The following PUS10 variants were observed in gnomAD, a reference collection of about 807,000 sequenced individuals.
PUS10 encodes the protein pseudouridine synthase 10.
PUS10 carries 59 observed loss-of-function variants against 75.0 expected under a neutral mutation model. That is an observed-to-expected ratio of 0.79 (90% CI 0.64 to 0.98). The LOEUF (loss-of-function observed/expected upper bound fraction) is 0.98. PUS10 is among the 50% of genes least tolerant of loss of function. The pLI, the probability that PUS10 is intolerant of heterozygous loss-of-function variation, is 0.00. For missense variants in PUS10, 650 were observed against 614.4 expected (o/e 1.06, Z -0.61); for synonymous variants, 219 against 211.6 (o/e 1.03, Z -0.30).
At position 61,011,856 on chromosome 2, in the gene PUS10, G is replaced by T. The variant is rs751736619; in HGVS notation, c.35C>A (p.Ala12Asp). 1.2e-6 allele frequency: 2 copies of T among 1,607,042 alleles called. No homozygotes were observed. Among genetic ancestry groups the T allele is most frequent in the South Asian group, 2.2e-5 (2 of 89,622 alleles). Reference sequence around the variant, plus strand: ...AGTACCAGTATTGAGCAACAACTGGGCCACATGCTTGTTTTCCTCAGTCAG... The same window carrying T: ...AGTACCAGTATTGAGCAACAACTGGTCCACATGCTTGTTTTCCTCAGTCAG... ...FPLTEENKHV[A>D]QLLLNTGTCP... Residue 12 changes from alanine (A) to aspartate (D), a missense_variant, in exon 2 of 18, where the codon GCC becomes GAC. Ala to Asp is a moderately radical substitution (Grantham distance 126). Coordinates refer to ENST00000316752, the MANE Select transcript of PUS10 (RefSeq NM_144709.4).
intron 5 of PUS10, 70 bp from the exon 6 acceptor site, chr2:60,967,683 G>T: frequency 1.9e-6 from 2 of 1,034,142 alleles, no homozygotes; most frequent in African/African-American, 1.6e-5. Context: ...AAGAATTTAT[G>T]CAATTATTTT....
intron 4 of PUS10, among the ~76,000 whole-genome samples, chr2:60,977,519 A>G (rs938122075): frequency 2.0e-5 from 3 of 152,236 alleles, no homozygotes; most frequent in African/African-American, 7.2e-5. Flanking sequence ...TGAATCTTCT[A>G]TAATTCATCA....
rs1675164919 is a variant in PUS10, at chr2:60,948,959, T to C, written c.1309-774A>G. ...CTCTTCATTTTCTTGTCGGAACAAC[T>C]CTTCCTAATTTCCATGGTTCTTGAG... On this transcript the variant is annotated intron_variant, in intron 15 of 17. Transcript: ENST00000316752. Among the ~76,000 whole-genome samples, 3 of 152,190 alleles carry C rather than the reference T, an allele frequency of 2.0e-5. 1 individual carries two copies. The South Asian group carries it at 6.2e-4, about 32-fold the overall frequency.
At chr2:60,964,642 TATATTCTA>T (rs1676228034) in intron 8 of PUS10, among the ~76,000 whole-genome samples, 1 of 152,238 alleles carries the variant, frequency 6.6e-6, no homozygotes, top group African/African-American at 2.4e-5. Flanking sequence ...CTTTGAATTA[TATATTCTA>T]AACATTGATT....
chr2:60,984,726 G>A (rs1268320181), intron 4 of PUS10, among the ~76,000 whole-genome samples: 1 of 152,188 alleles, frequency 6.6e-6, no homozygotes, highest in Admixed American at 6.5e-5. Context: ...GTACGGGAAA[G>A]CTCATATATG....
intron 4 of PUS10, among the ~76,000 whole-genome samples, chr2:60,976,783 G>C (rs1389708532): frequency 6.6e-6 from 1 of 152,134 alleles, no homozygotes; most frequent in Non-Finnish European, 1.5e-5. Context: ...CCCTGGACCT[G>C]CTTCTGGCAA....
At chr2:60,982,253 T>A (rs866074227) in intron 4 of PUS10, among the ~76,000 whole-genome samples, 36 of 151,956 alleles carry the variant, frequency 2.4e-4, no homozygotes, top group African/African-American at 6.5e-4. Flanking sequence ...TATTTATTTA[T>A]TTTATTTATT....
At chr2:61,000,082 A>G (rs1026788399) in intron 4 of PUS10, among the ~76,000 whole-genome samples, 5 of 152,202 alleles carry the variant, frequency 3.3e-5, no homozygotes, top group African/African-American at 1.2e-4. Context: ...TCAAGGGACA[A>G]CTGTATTTTC....
intron 1 of PUS10, among the ~76,000 whole-genome samples, chr2:61,015,894 C>G (rs1379786211): frequency 6.6e-6 from 1 of 152,230 alleles, no homozygotes. Context: ...TCACCTGTTA[C>G]TCTAAGTTAT....
chr2:61,007,121 A>G (rs1679261854), intron 3 of PUS10, among the ~76,000 whole-genome samples: 1 of 152,184 alleles, frequency 6.6e-6, no homozygotes, highest in Admixed American at 6.5e-5. Context: ...TTTTTCTTCA[A>G]TTAAATAGCA....
chr2:61,016,198 A>C (rs900337141), intron 1 of PUS10, among the ~76,000 whole-genome samples: 1 of 152,226 alleles, frequency 6.6e-6, no homozygotes, highest in Admixed American at 6.5e-5. Flanking sequence ...AACCTGATTG[A>C]TGAGAATTAC....
At chr2:60,963,509 C>T (rs1357653036) in intron 8 of PUS10, among the ~76,000 whole-genome samples, 1 of 152,230 alleles carries the variant, frequency 6.6e-6, no homozygotes, top group Non-Finnish European at 1.5e-5. Flanking sequence ...GCACAGTAGA[C>T]ACACTAGAAC....
At chr2:60,972,330 C>T (rs758955311) in intron 4 of PUS10, among the ~76,000 whole-genome samples, 3 of 151,450 alleles carry the variant, frequency 2.0e-5, no homozygotes, top group Non-Finnish European at 4.4e-5. Flanking sequence ...ATTAGCCGGG[C>T]GTGGAGGCGG....
chr2:61,017,946 T>C, intron 1 of PUS10, 62 bp downstream of exon 1: 3 of 1,390,322 alleles, frequency 2.2e-6, no homozygotes, highest in Admixed American at 2.0e-5. Context: ...GGTATTCCCT[T>C]CCCCCCTTTA....
rs1169843318 is a variant in PUS10 at position 60,941,572 on chromosome 2, T to G, written c.*823A>C. On this transcript the variant is annotated 3_prime_UTR_variant, in exon 18 of 18. Coordinates refer to ENST00000316752, the MANE Select transcript of PUS10 (RefSeq NM_144709.4). ...TATTAAAATGTTTATAATTGGATAA[T>G]ATATTGAAGCATTCTGAAATAATAC... is the stretch of plus-strand genomic sequence containing the variant. 1.3e-5 allele frequency: 2 copies of G among 152,304 alleles called. No homozygotes were observed. The highest frequency in any genetic ancestry group is 2.9e-5 in the Non-Finnish European group (2 of 68,006). 9.4% of individuals were successfully genotyped at this position (152,304 alleles called of 1,614,324 possible).
chr2:60,988,065 G>A (rs571500634), intron 4 of PUS10, among the ~76,000 whole-genome samples: 2 of 151,850 alleles, frequency 1.3e-5, no homozygotes, highest in South Asian at 4.2e-4. Context: ...CTCCAGCCTG[G>A]GTGAGAGAGC....
intron 4 of PUS10, among the ~76,000 whole-genome samples, chr2:61,002,389 C>T (rs1171276930): frequency 1.3e-5 from 2 of 152,216 alleles, no homozygotes; most frequent in African/African-American, 4.8e-5. Context: ...TGTAAATAAA[C>T]AACCCTTCCC....
At chr2:61,000,825 G>A (rs943436778) in intron 4 of PUS10, among the ~76,000 whole-genome samples, 7 of 152,054 alleles carry the variant, frequency 4.6e-5, no homozygotes, top group African/African-American at 1.2e-4. Context: ...CTAGGTCATC[G>A]CCAAGGTCTG....
At position 60,954,153 on chromosome 2, in the gene PUS10, G is replaced by T. The variant is rs756375683; in HGVS notation, c.1063C>A (p.Pro355Thr). 1 of 1,614,102 alleles carries T rather than the reference G, an allele frequency of 6.2e-7. No individual in the cohort carries two copies. The highest frequency in any genetic ancestry group is 8.5e-7 in the Non-Finnish European group (1 of 1,179,964). The change falls in exon 13 of 18, where the codon CCC (proline) becomes ACC (threonine). Residue 355 changes from proline to threonine, a missense_variant. Coordinates refer to ENST00000316752, the MANE Select transcript of PUS10 (RefSeq NM_144709.4). ...VDVRTLGNGR[P>T]FAIELVNPHR... ...GGATTCACCAGCTCAATTGCAAAGG[G>T]CCTTCCTGGCAGCACACACCCCGTC...
Sources: allele counts gnomAD v4.1 joint callset (sites outside exome capture counted in the v4.1 genomes callset), GRCh38; gene constraint gnomAD v4.1.1; transcripts MANE v1.5; gene names NCBI Gene and HGNC (gene_info 2026-07-23, HGNC 2026-07-21).